TTC9: variants seen among roughly 807,000 people sequenced by gnomAD.
The protein encoded by TTC9 is tetratricopeptide repeat domain 9.
TTC9 carries 13 observed loss-of-function variants against 22.9 expected under a neutral mutation model. The ratio of observed to expected loss-of-function variants is 0.57; its 90% CI spans 0.37 to 0.90. The LOEUF (loss-of-function observed/expected upper bound fraction) is 0.90. Ranked by LOEUF, TTC9 falls within the 40% of genes least tolerant of loss-of-function variation. TTC9 has a pLI of 0.01. For missense variants in TTC9, 280 were observed against 291.8 expected (o/e 0.96, Z 0.29); for synonymous variants, 148 against 133.2 (o/e 1.11, Z -0.77).
Position 70,674,386 on chromosome 14 carries a change from C to A in TTC9, c.*3231C>A, listed in dbSNP as rs1384576970. The A allele has an allele frequency of 6.6e-6, 1 of 152,148 alleles. No homozygotes were observed. Among genetic ancestry groups the A allele is most frequent in the African/African-American group, 2.4e-5 (1 of 41,432 alleles). The allele number at this position is 152,148 out of a possible 1,614,324, so 9.4% of individuals were successfully genotyped here. On this transcript the variant is annotated 3_prime_UTR_variant, in exon 3 of 3. Transcript: ENST00000256367. ...ACAAACGTGTATTCTTTTGAATATACCTTTTAGTTCTTTTTGGTGTAAATG... is the reference window on the plus strand; with the variant it reads ...ACAAACGTGTATTCTTTTGAATATAACTTTTAGTTCTTTTTGGTGTAAATG...
chr14:70,649,099 G>T (rs751976545), intron 1 of TTC9, among the ~76,000 whole-genome samples: 1 of 152,138 alleles, frequency 6.6e-6, no homozygotes, highest in African/African-American at 2.4e-5. Flanking sequence ...CTACCAGCTT[G>T]TCATCCCACA....
intron 2 of TTC9, among the ~76,000 whole-genome samples, chr14:70,669,137 C>T (rs1432979310): frequency 6.6e-6 from 1 of 152,002 alleles, no homozygotes; most frequent in African/African-American, 2.4e-5. Context: ...GCCTGGGTGA[C>T]AGAGCGAGAC....
chr14:70,648,352 T>G (rs1379636049), intron 1 of TTC9, among the ~76,000 whole-genome samples: 1 of 152,226 alleles, frequency 6.6e-6, no homozygotes, highest in Non-Finnish European at 1.5e-5. Context: ...ACATTACAAA[T>G]TTAGACACTG....
At chr14:70,644,233 G>A (rs529057167) in intron 1 of TTC9, among the ~76,000 whole-genome samples, 2 of 152,182 alleles carry the variant, frequency 1.3e-5, no homozygotes, top group African/African-American at 4.8e-5. Context: ...TGAAATCAAA[G>A]ATGTGTCCTT....
At chr14:70,652,786 A>G (rs1387283839) in intron 1 of TTC9, among the ~76,000 whole-genome samples, 1 of 152,184 alleles carries the variant, frequency 6.6e-6, no homozygotes, top group Non-Finnish European at 1.5e-5. Flanking sequence ...TCCTTTCTCT[A>G]ATGGATCTGC....
intron 1 of TTC9, among the ~76,000 whole-genome samples, chr14:70,653,287 T>A (rs1886012003): frequency 6.6e-6 from 1 of 152,056 alleles, no homozygotes; most frequent in Non-Finnish European, 1.5e-5. Flanking sequence ...CAAAGAAGGC[T>A]ATGGGGAAAC....
intron 1 of TTC9, among the ~76,000 whole-genome samples, chr14:70,642,931 T>C (rs1435950611): frequency 6.6e-6 from 1 of 152,312 alleles, no homozygotes; most frequent in African/African-American, 2.4e-5. Context: ...CACGCACCTG[T>C]CTGCTCTCCT....
intron 1 of TTC9, among the ~76,000 whole-genome samples, chr14:70,653,607 A>C (rs185043422): frequency 3.8e-4 from 58 of 152,302 alleles, no homozygotes; most frequent in African/African-American, 1.3e-3. Flanking sequence ...TGTGGGTTCT[A>C]GGCACACATC....
chr14:70,669,896 CTTATG>C (rs1809080139), intron 2 of TTC9, among the ~76,000 whole-genome samples: 2 of 152,158 alleles, frequency 1.3e-5, no homozygotes, highest in Admixed American at 6.5e-5. Flanking sequence ...CCCTGTCACT[CTTATG>C]TTATGGTGTG....
At chr14:70,649,580 A>T (rs1226164567) in intron 1 of TTC9, among the ~76,000 whole-genome samples, 6 of 152,228 alleles carry the variant, frequency 3.9e-5, no homozygotes, top group African/African-American at 1.4e-4. Context: ...CTGTAATTCC[A>T]AAGCCTGCAG....
At chr14:70,649,305 C>T (rs184985740) in intron 1 of TTC9, among the ~76,000 whole-genome samples, 1 of 152,224 alleles carries the variant, frequency 6.6e-6, no homozygotes. Context: ...CAGCATCTGT[C>T]TCTTGTTAGG....
At chr14:70,643,238 C>T (rs1484750195) in intron 1 of TTC9, among the ~76,000 whole-genome samples, 1 of 152,198 alleles carries the variant, frequency 6.6e-6, no homozygotes, top group Non-Finnish European at 1.5e-5. Flanking sequence ...TGTGTAGCAT[C>T]AGTCCTCACG....
At chr14:70,652,185 C>T (rs769495262) in intron 1 of TTC9, among the ~76,000 whole-genome samples, 1 of 152,202 alleles carries the variant, frequency 6.6e-6, no homozygotes, top group Non-Finnish European at 1.5e-5. Context: ...CTGCCTTGAT[C>T]TTTCTGGGAG....
intron 1 of TTC9, among the ~76,000 whole-genome samples, chr14:70,660,350 C>G (rs1886128409): frequency 2.0e-5 from 3 of 152,184 alleles, no homozygotes; most frequent in Non-Finnish European, 4.4e-5. Flanking sequence ...GATAGAAAAT[C>G]TACTTTAAAT....
chr14:70,669,390 C>T (rs1324295299), intron 2 of TTC9, among the ~76,000 whole-genome samples: 1 of 152,036 alleles, frequency 6.6e-6, no homozygotes, highest in Non-Finnish European at 1.5e-5. Context: ...AATGATCCTC[C>T]CACCTCAGCG....
chr14:70,649,474 CTG>C (rs753366474), intron 1 of TTC9, among the ~76,000 whole-genome samples: 5 of 152,238 alleles, frequency 3.3e-5, no homozygotes, highest in Non-Finnish European at 5.9e-5. Flanking sequence ...CTGTACAACT[CTG>C]TGAGACAGAA....
chr14:70,659,379 G>C (rs1886113894), intron 1 of TTC9, among the ~76,000 whole-genome samples: 1 of 152,106 alleles, frequency 6.6e-6, no homozygotes, highest in Non-Finnish European at 1.5e-5. Flanking sequence ...ATAATAATTG[G>C]GGGGTTAGTT....
chr14:70,651,390 T>C (rs1885982934), intron 1 of TTC9, among the ~76,000 whole-genome samples: 1 of 144,046 alleles, frequency 6.9e-6, no homozygotes, highest in Middle Eastern at 3.5e-3. Flanking sequence ...AGAGAAATTA[T>C]GAGTAATTTG....
rs1006814979 is a variant in TTC9 at position 70,672,124 on chromosome 14, G to C, written c.*969G>C. On this transcript the variant is annotated 3_prime_UTR_variant, in exon 3 of 3. Transcript: ENST00000256367. ...GCTACTTACAGCCAGGCAGGATGGG[G>C]CTTTCCCCAAAGCAATTGGCCGTTT... is the stretch of plus-strand genomic sequence containing the variant. 6.6e-6 allele frequency: 1 copy of C among 152,286 alleles called. No homozygotes were observed. The highest frequency in any genetic ancestry group is 1.5e-5 in the Non-Finnish European group (1 of 68,078). The allele number at this position is 152,286 out of a possible 1,614,324, so 9.4% of individuals were successfully genotyped here.
Sources: gnomAD v4.1 joint callset for allele counts (sites outside exome capture counted in the v4.1 genomes callset) on GRCh38, gnomAD v4.1.1 for gene constraint, MANE v1.5 for transcripts, NCBI Gene and HGNC (gene_info 2026-07-23, HGNC 2026-07-21) for gene names.